DCDC1: variants seen among roughly 807,000 people sequenced by gnomAD.
DCDC1 encodes the protein doublecortin domain-containing protein 1.
Under a neutral mutation model 178.3 loss-of-function variants are expected in DCDC1, and 200 were observed. The ratio of observed to expected loss-of-function variants is 1.12; its 90% CI spans 1.00 to 1.26. The LOEUF is 1.26. Among genes scored for constraint, DCDC1 ranks in the 50% most tolerant of loss-of-function variants. The pLI is 0.00. For synonymous variants in DCDC1, 690 were observed against 604.8 expected, an observed-to-expected ratio of 1.14 and a Z score of -2.07; for missense variants, 1,983 against 1,749.2, an observed-to-expected ratio of 1.13 and a Z score of -2.38.
chr11:30,951,898 A>T (rs190373191), intron 21 of DCDC1, among the ~76,000 whole-genome samples: 2 of 152,282 alleles, frequency 1.3e-5, no homozygotes, highest in African/African-American at 4.8e-5. Flanking sequence ...CTGTAATTGC[A>T]ACACATAGAA....
intron 20 of DCDC1, among the ~76,000 whole-genome samples, chr11:30,973,334 G>A (rs566616876): frequency 6.7e-6 from 1 of 150,352 alleles, no homozygotes; most frequent in East Asian, 2.0e-4. Flanking sequence ...CTCTGGCCAT[G>A]TGAAGTACTG....
At chr11:31,122,782 T>G (rs1012171760) in intron 11 of DCDC1, among the ~76,000 whole-genome samples, 4 of 152,162 alleles carry the variant, frequency 2.6e-5, no homozygotes. Context: ...GCAAGTTCTT[T>G]GCTGAATCAG....
chr11:30,900,400 T>C lies in DCDC1; in HGVS notation c.4609A>G (p.Arg1537Gly). The C allele has an allele frequency of 6.3e-7, 1 of 1,580,228 alleles. No individual in the cohort carries two copies. Among genetic ancestry groups the C allele is most frequent in the Non-Finnish European group, 8.6e-7 (1 of 1,162,506 alleles). ...IDKSLLTLIL[R>G]NPIAIWVSCG... Reference sequence around the variant, plus strand: ...GACACCCAGATGGCAATAGGATTTCTGAGGATGAGGGTAAGCAAAGACTTG... The same window carrying C: ...GACACCCAGATGGCAATAGGATTTCCGAGGATGAGGGTAAGCAAAGACTTG... The change falls in exon 33 of 39, where the codon AGA (arginine) becomes GGA (glycine). Residue 1537 changes from arginine (R) to glycine (G), a missense_variant. Physicochemically the swap from Arg to Gly is moderately radical, Grantham distance 125. Coordinates refer to ENST00000684477, the MANE Select transcript of DCDC1 (RefSeq NM_001387274.1).
intron 20 of DCDC1, among the ~76,000 whole-genome samples, chr11:31,036,392 C>T (rs1954025876): frequency 6.6e-6 from 1 of 152,118 alleles, no homozygotes; most frequent in Non-Finnish European, 1.5e-5. Context: ...CTGAACATTA[C>T]TTAGAGATAA....
At chr11:31,001,363 A>T (rs2135028130) in intron 20 of DCDC1, among the ~76,000 whole-genome samples, 1 of 152,326 alleles carries the variant, frequency 6.6e-6, no homozygotes, top group South Asian at 2.1e-4. Context: ...ACAAAAAAAA[A>T]ATAATATGTC....
At position 30,888,076 on chromosome 11, in the gene DCDC1, G is replaced by GAA. The variant is rs1203972350; in HGVS notation, c.5082+4741_5082+4742insTT. 7.2e-3 allele frequency among the ~76,000 whole-genome samples: 778 copies of GAA among 108,088 alleles called. 39 individuals are homozygous for GAA. The highest frequency in any genetic ancestry group is 0.01 in the Non-Finnish European group (519 of 51,726). The allele number at this position is 108,088 out of a possible 152,430, so 70.9% of individuals were successfully genotyped here. On this transcript the variant is annotated intron_variant, in intron 36 of 38. Coordinates refer to ENST00000684477, the MANE Select transcript of DCDC1 (RefSeq NM_001387274.1). ...AAAGAAAGAAAGAGAGAGAGAGAGA[G>GAA]AGAGAGAGAAAGAAAGAAAGAAAAA... is the stretch of plus-strand genomic sequence containing the variant.
intron 20 of DCDC1, among the ~76,000 whole-genome samples, chr11:30,988,770 T>C (rs1194245606): frequency 5.9e-5 from 9 of 152,214 alleles, no homozygotes; most frequent in Admixed American, 5.9e-4. Context: ...TACAAATTTG[T>C]GTTGGGTCAC....
intron 9 of DCDC1, among the ~76,000 whole-genome samples, chr11:31,138,645 A>G (rs1190438637): frequency 6.6e-6 from 1 of 152,164 alleles, no homozygotes; most frequent in Non-Finnish European, 1.5e-5. Flanking sequence ...AATAACGACC[A>G]TGTTTTTACA....
chr11:31,148,745 A>C (rs1191902803), intron 9 of DCDC1, among the ~76,000 whole-genome samples: 1 of 151,264 alleles, frequency 6.6e-6, no homozygotes, highest in East Asian at 1.9e-4. Flanking sequence ...CAGAAATTCC[A>C]CTTCTTTTTT....
intron 38 of DCDC1, among the ~76,000 whole-genome samples, chr11:30,873,338 T>TATATATAG (rs1554953039): frequency 7.4e-6 from 1 of 135,608 alleles, no homozygotes; most frequent in Non-Finnish European, 1.5e-5. Flanking sequence ...AATGTGTGTG[T>TATATATAG]ATATACATAT....
rs757928968 is a variant in DCDC1 at position 30,920,879 on chromosome 11, T to C, written c.3190A>G (p.Lys1064Glu). ...IVSGSKLAVH[K>E]PVAIFGEEKQ... is the part of the protein sequence containing the mutation. ...TCTTCTCCAAAAATTGCTACAGGTT[T>C]ATGCACAGCAAGCTTGCTTCCAGAT... The change falls in exon 25 of 39, where the codon AAA becomes GAA. Residue 1064 changes from lysine to glutamate, a missense_variant. By Grantham distance (56) the Lys-to-Glu change is moderately conservative (BLOSUM62 1). Transcript: ENST00000684477. 2.5e-5 allele frequency: 40 copies of C among 1,613,326 alleles called. No individual in the cohort carries two copies. Among genetic ancestry groups the C allele is most frequent in the Non-Finnish European group, 3.3e-5 (39 of 1,179,640 alleles).
chr11:31,272,793 GA>G (rs1454955987), intron 7 of DCDC1, among the ~76,000 whole-genome samples: 1 of 152,240 alleles, frequency 6.6e-6, no homozygotes, highest in Non-Finnish European at 1.5e-5. Flanking sequence ...GGCTGGTGTT[GA>G]ATGTCTGAAG....
At chr11:31,345,073 T>C (rs1950744876) in intron 1 of DCDC1, among the ~76,000 whole-genome samples, 1 of 152,186 alleles carries the variant, frequency 6.6e-6, no homozygotes. Context: ...AATAATTGCA[T>C]GCTACCAATA....
chr11:31,150,024 T>G (rs565541149), intron 9 of DCDC1, among the ~76,000 whole-genome samples: 1 of 152,326 alleles, frequency 6.6e-6, no homozygotes, highest in East Asian at 1.9e-4. Flanking sequence ...CCACGGTGGG[T>G]GTACTAATTT....
chr11:31,095,922 A>C (rs1316953970), intron 15 of DCDC1, among the ~76,000 whole-genome samples: 1 of 152,192 alleles, frequency 6.6e-6, no homozygotes, highest in Non-Finnish European at 1.5e-5. Flanking sequence ...TATATTTAAA[A>C]CCCAATAAAT....
rs144629750 is a variant in DCDC1 at position 31,072,897 on chromosome 11, G to A, written c.2298+4968C>T. On this transcript the variant is annotated intron_variant, in intron 18 of 38. Transcript: ENST00000684477. ...GAGATAGAATTTGAAGCTTAAAAAG[G>A]TTAAATGACTTGTCTAAGGCCACAC... 6.8e-3 allele frequency among the ~76,000 whole-genome samples: 1,030 copies of A among 152,162 alleles called. 17 individuals carry two copies. Among genetic ancestry groups the A allele is most frequent in the South Asian group, 0.044 (211 of 4,822 alleles).
At chr11:30,877,210 C>A (rs1197404085) in intron 38 of DCDC1, among the ~76,000 whole-genome samples, 1 of 152,090 alleles carries the variant, frequency 6.6e-6, no homozygotes, top group African/African-American at 2.4e-5. Flanking sequence ...ACCAAGAGCC[C>A]CCTTCAGTAG....
At chr11:30,871,997 C>T (rs1483653860) in intron 38 of DCDC1, among the ~76,000 whole-genome samples, 3 of 151,824 alleles carry the variant, frequency 2.0e-5, no homozygotes, top group Non-Finnish European at 4.4e-5. Flanking sequence ...GAATGTTGGA[C>T]TAGACATTGT....
intron 22 of DCDC1, among the ~76,000 whole-genome samples, chr11:30,931,151 CT>C (rs1237278771): frequency 1.3e-5 from 2 of 151,900 alleles, no homozygotes; most frequent in Non-Finnish European, 2.9e-5. Flanking sequence ...TCTATGATGC[CT>C]TTTGTCATAA....
Sources: allele counts gnomAD v4.1 joint callset (sites outside exome capture counted in the v4.1 genomes callset), GRCh38; gene constraint gnomAD v4.1.1; transcripts MANE v1.5; gene names NCBI Gene and HGNC (gene_info 2026-07-23, HGNC 2026-07-21).